SYTL5: variants seen among roughly 807,000 people sequenced by gnomAD.
SYTL5 encodes the protein synaptotagmin like 5, also known as synaptotagmin-like protein 5.
Under a neutral mutation model 55.9 loss-of-function variants are expected in SYTL5, and 34 were observed. The observed-to-expected ratio is 0.61, with a 90% CI of 0.46 to 0.81. SYTL5 has a LOEUF of 0.81. Among genes scored for constraint, SYTL5 ranks in the 30% least tolerant of loss-of-function variants. The pLI is 0.00. For missense variants in SYTL5, 637 were observed against 546.7 expected, an observed-to-expected ratio of 1.17 and a Z score of -1.65; for synonymous variants, 221 against 188.7, an observed-to-expected ratio of 1.17 and a Z score of -1.40.
At chrX:37,910,555 A>G in the SYTL5 span, among the ~76,000 whole-genome samples, 3 of 112,346 alleles carry the variant, frequency 2.7e-5, no homozygotes, top group African/African-American at 9.7e-5. Context: ...GGCCTTATTA[A>G]AATTTAGATT....
At chrX:38,089,932 A>G (rs1209432120) in intron 7 of SYTL5, among the ~76,000 whole-genome samples, 1 of 111,699 alleles carries the variant, frequency 9.0e-6, no homozygotes, top group Non-Finnish European at 1.9e-5. Context: ...AAACCATATC[A>G]GACACCCAGT....
the SYTL5 span, among the ~76,000 whole-genome samples, chrX:37,958,038 G>A: frequency 9.1e-6 from 1 of 110,497 alleles, no homozygotes; most frequent in Non-Finnish European, 1.9e-5. Flanking sequence ...GTGAAACCTC[G>A]GATCTACTAA....
intron 6 of SYTL5, among the ~76,000 whole-genome samples, chrX:38,077,657 T>C (rs1248014290): frequency 1.8e-5 from 2 of 108,305 alleles, no homozygotes; most frequent in African/African-American, 6.7e-5. Context: ...TGTAAAACCA[T>C]ACAGAAAAAA....
At chrX:38,023,656 T>A in intron 1 of SYTL5, among the ~76,000 whole-genome samples, 1 of 111,832 alleles carries the variant, frequency 8.9e-6, no homozygotes, top group East Asian at 2.8e-4. Flanking sequence ...AATGCCTCAT[T>A]TTAAAATTGA....
intron 2 of SYTL5, among the ~76,000 whole-genome samples, chrX:38,035,082 A>T (rs1161630059): frequency 8.9e-6 from 1 of 112,247 alleles, no homozygotes; most frequent in Non-Finnish European, 1.9e-5. Flanking sequence ...AGTATTCTTG[A>T]TTGATGTTTA....
chrX:37,972,507 C>A, the SYTL5 span, among the ~76,000 whole-genome samples: 13 of 111,582 alleles, frequency 1.2e-4, no homozygotes, highest in South Asian at 3.1e-3. Flanking sequence ...CGGTTTCGGG[C>A]AACTCCTTCG....
At chrX:37,947,929 T>TC in the SYTL5 span, among the ~76,000 whole-genome samples, 1 of 111,784 alleles carries the variant, frequency 8.9e-6, no homozygotes, top group Non-Finnish European at 1.9e-5. Context: ...CCTCCCCAAC[T>TC]CCATTTCATA....
the SYTL5 span, among the ~76,000 whole-genome samples, chrX:37,951,406 C>G: frequency 2.7e-5 from 3 of 110,699 alleles, no homozygotes; most frequent in Admixed American, 2.9e-4. Flanking sequence ...TTAAAAAAAT[C>G]AGTCATTCAT....
intron 2 of SYTL5, among the ~76,000 whole-genome samples, chrX:38,038,788 G>T (rs1935194334): frequency 8.9e-6 from 1 of 112,271 alleles, no homozygotes; most frequent in Non-Finnish European, 1.9e-5. Context: ...GACTGAAAAA[G>T]ATTACAAAGA....
intron 3 of SYTL5, among the ~76,000 whole-genome samples, chrX:38,058,170 G>T (rs1430660579): frequency 9.0e-6 from 1 of 110,945 alleles, no homozygotes; most frequent in African/African-American, 3.3e-5. Flanking sequence ...TTTAATGTGG[G>T]AATTATGCAG....
At chrX:38,056,498 G>C (rs1258627479) in intron 3 of SYTL5, among the ~76,000 whole-genome samples, 1 of 111,545 alleles carries the variant, frequency 9.0e-6, no homozygotes, top group Admixed American at 9.5e-5. Flanking sequence ...GGGATTGTTA[G>C]ATCATATGGT....
At chrX:37,988,214 G>C in the SYTL5 span, among the ~76,000 whole-genome samples, 1 of 111,621 alleles carries the variant, frequency 9.0e-6, no homozygotes, top group South Asian at 3.8e-4. Flanking sequence ...GCTGCTGGCT[G>C]TAAATAGGAA....
chrX:37,932,536 G>A, the SYTL5 span, among the ~76,000 whole-genome samples: 1 of 111,556 alleles, frequency 9.0e-6, no homozygotes, highest in African/African-American at 3.3e-5. Flanking sequence ...AAGGCTTAAT[G>A]ATAAAGGTAC....
intron 2 of SYTL5, among the ~76,000 whole-genome samples, chrX:38,048,102 C>G (rs1935520738): frequency 9.1e-6 from 1 of 110,245 alleles, no homozygotes; most frequent in Non-Finnish European, 1.9e-5. Context: ...AGGAGAATGG[C>G]ATGAACCCGG....
At chrX:38,001,186 A>G in the SYTL5 span, among the ~76,000 whole-genome samples, 1 of 110,968 alleles carries the variant, frequency 9.0e-6, no homozygotes, top group African/African-American at 3.3e-5. Flanking sequence ...TCAACATGAG[A>G]TATTTTGATG....
At chrX:37,991,484 G>A in the SYTL5 span, among the ~76,000 whole-genome samples, 2 of 111,120 alleles carry the variant, frequency 1.8e-5, no homozygotes, top group African/African-American at 6.6e-5. Flanking sequence ...GAGGGCGCCG[G>A]CCCTGTGGGG....
At chrX:38,017,117 C>T (rs1265319119) in intron 1 of SYTL5, among the ~76,000 whole-genome samples, 1 of 111,076 alleles carries the variant, frequency 9.0e-6, no homozygotes, top group Non-Finnish European at 1.9e-5. Context: ...AGAGGTTGCC[C>T]ATTCTCAAAA....
chrX:37,957,951 G>A, the SYTL5 span, among the ~76,000 whole-genome samples: 5 of 112,175 alleles, frequency 4.5e-5, no homozygotes, highest in Non-Finnish European at 9.4e-5. Context: ...GCTCACGCCT[G>A]TAATCCCAGC....
At chrX:38,032,686 G>A (rs1196576079) in intron 1 of SYTL5, among the ~76,000 whole-genome samples, 1 of 110,653 alleles carries the variant, frequency 9.0e-6, no homozygotes, top group Non-Finnish European at 1.9e-5. Flanking sequence ...ACATATATAT[G>A]TATATATGTA....
Sources: gnomAD v4.1 joint callset for allele counts (sites outside exome capture counted in the v4.1 genomes callset) on GRCh38, gnomAD v4.1.1 for gene constraint, MANE v1.5 for transcripts, NCBI Gene and HGNC (gene_info 2026-07-23, HGNC 2026-07-21) for gene names.